The following ASPH variants were observed in gnomAD, a reference collection of about 807,000 sequenced individuals.
ASPH encodes aspartyl/asparaginyl beta-hydroxylase.
A neutral mutation model predicts 118.4 loss-of-function variants in ASPH; 100 were observed. That is an observed-to-expected ratio of 0.84 (90% CI 0.72 to 1.00). The LOEUF (loss-of-function observed/expected upper bound fraction) is 1.00, where lower values mean the gene tolerates loss of function less well. ASPH is among the 50% of genes least tolerant of loss of function. The pLI, the probability that ASPH is intolerant of heterozygous loss-of-function variation, is 0.00. For missense variants in ASPH, 920 were observed against 919.5 expected (o/e 1.00, Z -0.01); for synonymous variants, 315 against 325.6 (o/e 0.97, Z 0.35).
chr8:61,624,086 T>A, intron 13 of ASPH: 2 of 446,936 alleles, frequency 4.5e-6, no homozygotes, highest in Non-Finnish European at 5.9e-6. Context: ...TATAGTTATA[T>A]ACAATGAATA....
intron 21 of ASPH, among the ~76,000 whole-genome samples, chr8:61,531,261 C>A (rs1817463928): frequency 6.6e-6 from 1 of 152,048 alleles, no homozygotes; most frequent in African/African-American, 2.4e-5. Context: ...TGAAGATAAC[C>A]CTCCCGCAGC....
intron 13 of ASPH, chr8:61,628,306 C>T (rs191683497): frequency 4.0e-4 from 140 of 349,682 alleles, no homozygotes; most frequent in African/African-American, 2.9e-3. Context: ...ACTACAGGCA[C>T]GTGACACCAA....
chr8:61,663,304 C>T (rs1406785989), intron 3 of ASPH: 2 of 985,222 alleles, frequency 2.0e-6, no homozygotes, highest in East Asian at 1.1e-4. Flanking sequence ...TGGGAAGAAT[C>T]ACCATCCTCA....
chr8:61,699,812 G>A (rs1834809952), intron 1 of ASPH, among the ~76,000 whole-genome samples: 1 of 152,190 alleles, frequency 6.6e-6, no homozygotes, highest in Non-Finnish European at 1.5e-5. Flanking sequence ...GAGACCAAGG[G>A]TGCCTGCAGG....
chr8:61,614,639 T>G (rs1210690631), intron 14 of ASPH, among the ~76,000 whole-genome samples: 3 of 152,080 alleles, frequency 2.0e-5, no homozygotes, highest in Non-Finnish European at 4.4e-5. Flanking sequence ...GGCTACGTGT[T>G]GGGTTTTTGT....
In ASPH at chr8:61,500,857, T is replaced by G. The variant is rs1474541615; in HGVS notation, c.*2502A>C. On this transcript the variant is annotated 3_prime_UTR_variant, in exon 25 of 25. Coordinates refer to ENST00000379454, the MANE Select transcript of ASPH (RefSeq NM_004318.4). ...TAAATATTTGGGAGAGTTAATTTGT[T>G]AGCTAAATAATTCAAGGGAAAGAGA... 6.6e-6 allele frequency: 1 copy of G among 152,190 alleles called. No individual in the cohort carries two copies. Among genetic ancestry groups the G allele is most frequent in the African/African-American group, 2.4e-5 (1 of 41,446 alleles). 9.4% of individuals were successfully genotyped at this position (152,190 alleles called of 1,614,324 possible).
intron 14 of ASPH, 149 bp downstream of exon 14, chr8:61,618,829 T>A: frequency 1.6e-6 from 1 of 626,958 alleles, no homozygotes; most frequent in Non-Finnish European, 2.7e-6. Context: ...TATTAATAAG[T>A]GTTCTTTGAT....
chr8:61,517,570 A>T lies in ASPH; in HGVS notation c.2084T>A (p.Ile695Asn). 6.2e-7 allele frequency: 1 copy of T among 1,614,172 alleles called. No homozygotes were observed. The highest frequency in any genetic ancestry group is 1.1e-5 in the South Asian group (1 of 91,088). The change falls in exon 24 of 25, where the codon ATT becomes AAT. Residue 695 changes from isoleucine to asparagine, a missense_variant. Physicochemically the swap from Ile to Asn is moderately radical, Grantham distance 149. Transcript: ENST00000379454. ...TCGAATCTTGCAGCCTTCCTTGGGA[A>T]TCACCAAGCCCAGGTGCATTCGGAG... is the stretch of plus-strand genomic sequence containing the variant. ...CRLRMHLGLV[I>N]PKEGCKIRCA...
At chr8:61,655,723 A>G (rs1165632348) in intron 3 of ASPH, among the ~76,000 whole-genome samples, 1 of 152,210 alleles carries the variant, frequency 6.6e-6, no homozygotes, top group African/African-American at 2.4e-5. Flanking sequence ...ATTGCAAAAC[A>G]TAGGAAAAAC....
chr8:61,653,335 G>A lies in ASPH; in HGVS notation c.415+233C>T, dbSNP rs548645600. Among the ~76,000 whole-genome samples the A allele has an allele frequency of 3.3e-5, 5 of 152,336 alleles. No homozygotes were observed. The East Asian group carries it at 9.6e-4, about 29-fold the overall frequency. On this transcript the variant is annotated intron_variant, in intron 4 of 24. Transcript: ENST00000379454. The stretch of plus-strand genomic sequence containing the variant: ...TTCAGTTCATGACGTTCCTAAATGT[G>A]TGGTTTTGGACAAAGAACAACTGTC...
chr8:61,684,232 T>C, intron 1 of ASPH, 44 bp from the exon 2 acceptor site: 1 of 1,553,072 alleles, frequency 6.4e-7, no homozygotes, highest in East Asian at 2.3e-5. Context: ...GAAAACATTT[T>C]ACTGAACACT....
At chr8:61,680,279 A>T (rs189409740) in intron 3 of ASPH, among the ~76,000 whole-genome samples, 2 of 152,024 alleles carry the variant, frequency 1.3e-5, no homozygotes, top group East Asian at 3.9e-4. Context: ...AAAGCAAAGG[A>T]AGTCTCACCA....
At position 61,643,411 on chromosome 8, in the gene ASPH, T is replaced by A. The variant is rs138586020; in HGVS notation, c.732A>T (p.Glu244Asp). 65 of 1,605,454 alleles carry A rather than the reference T, an allele frequency of 4.0e-5. 1 individual carries two copies. The African/African-American group carries it at 6.9e-4, about 17-fold the overall frequency. The change falls in exon 9 of 25, where the codon GAA becomes GAT. Residue 244 changes from glutamate to aspartate, a missense_variant. Glu to Asp is a conservative substitution (Grantham distance 45). Coordinates refer to ENST00000379454, the MANE Select transcript of ASPH (RefSeq NM_004318.4). The stretch of plus-strand genomic sequence containing the variant: ...CTGTATCATGGTGCAATCTTTCATC[T>A]TCTACTACTGGTTCACTGGAATCTA... Reference protein sequence around the residue: ...ENPDSSEPVVEDERLHHDTDD... With the variant: ...ENPDSSEPVVDDERLHHDTDD...
intron 5 of ASPH, among the ~76,000 whole-genome samples, chr8:61,650,166 C>T (rs1280648953): frequency 6.6e-6 from 1 of 151,914 alleles, no homozygotes; most frequent in South Asian, 2.1e-4. Context: ...GTTGGGGTGC[C>T]GTGGGGAAGG....
chr8:61,576,607 C>T (rs907576681), intron 16 of ASPH, 165 bp downstream of exon 16: 4 of 542,960 alleles, frequency 7.4e-6, no homozygotes, highest in Non-Finnish European at 1.3e-5. Context: ...TTACTAAATT[C>T]AGCAGCATGC....
intron 1 of ASPH, among the ~76,000 whole-genome samples, chr8:61,687,032 A>C (rs1830813291): frequency 6.6e-6 from 1 of 152,202 alleles, no homozygotes; most frequent in Non-Finnish European, 1.5e-5. Context: ...CCTATACTGC[A>C]GTGAGCTATG....
intron 1 of ASPH, among the ~76,000 whole-genome samples, chr8:61,709,530 C>G (rs1837555364): frequency 6.6e-6 from 1 of 152,178 alleles, no homozygotes; most frequent in Admixed American, 6.5e-5. Flanking sequence ...GCAAGCAGCC[C>G]TTGCACCTCC....
At chr8:61,613,560 T>C (rs765391449) in intron 14 of ASPH, among the ~76,000 whole-genome samples, 1 of 152,144 alleles carries the variant, frequency 6.6e-6, no homozygotes, top group Non-Finnish European at 1.5e-5. Flanking sequence ...TATGTGCTAA[T>C]AAAAAATCTG....
chr8:61,648,814 T>C (rs1208819766), intron 5 of ASPH, among the ~76,000 whole-genome samples: 1 of 152,158 alleles, frequency 6.6e-6, no homozygotes, highest in Non-Finnish European at 1.5e-5. Flanking sequence ...TAAAGCCACA[T>C]GGCTAATCAA....
Sources: gnomAD v4.1 joint callset for allele counts (sites outside exome capture counted in the v4.1 genomes callset) on GRCh38, gnomAD v4.1.1 for gene constraint, MANE v1.5 for transcripts, NCBI Gene and HGNC (gene_info 2026-07-23, HGNC 2026-07-21) for gene names.